The following PLCL1 variants were observed in gnomAD, a reference collection of about 807,000 sequenced individuals.
PLCL1 encodes the protein phospholipase C like 1 (inactive).
A neutral mutation model predicts 84.4 loss-of-function variants in PLCL1; 41 were observed. The ratio of observed to expected loss-of-function variants is 0.49; its 90% CI spans 0.38 to 0.63. The LOEUF (loss-of-function observed/expected upper bound fraction) is 0.63, where lower values mean the gene tolerates loss of function less well. PLCL1 is among the 30% of genes least tolerant of loss of function. The probability of loss-of-function intolerance (pLI) is 0.00; values close to 1 mark genes in which losing one functional copy is unlikely to be tolerated. For missense variants in PLCL1, 1,206 were observed against 1,367.8 expected (o/e 0.88, Z 1.87); for synonymous variants, 490 against 488.3 (o/e 1.00, Z -0.05).
intron 1 of PLCL1, among the ~76,000 whole-genome samples, chr2:198,026,621 A>G (rs1178105551): frequency 6.6e-6 from 1 of 152,216 alleles, no homozygotes; most frequent in Non-Finnish European, 1.5e-5. Context: ...TCTTAAAAAT[A>G]TCCAATTTAT....
chr2:197,841,121 A>G (rs986100748), intron 1 of PLCL1, among the ~76,000 whole-genome samples: 5 of 152,178 alleles, frequency 3.3e-5, no homozygotes, highest in Non-Finnish European at 7.3e-5. Flanking sequence ...AGTTTCCCCT[A>G]TAATTAATGT....
intron 1 of PLCL1, among the ~76,000 whole-genome samples, chr2:197,815,213 T>G (rs1690663592): frequency 6.6e-6 from 1 of 152,192 alleles, no homozygotes; most frequent in Non-Finnish European, 1.5e-5. Flanking sequence ...TAACTTTAAG[T>G]GGAAGCCAAT....
chr2:197,902,235 T>G (rs1211776317), intron 1 of PLCL1, among the ~76,000 whole-genome samples: 1 of 152,180 alleles, frequency 6.6e-6, no homozygotes, highest in Non-Finnish European at 1.5e-5. Flanking sequence ...AAGGGAATTC[T>G]GGGCTTGTTG....
rs1157999886 is a variant in PLCL1 at position 197,974,611 on chromosome 2, T to C, written c.241-109147T>C. On this transcript the variant is annotated intron_variant, in intron 1 of 5. Transcript: ENST00000428675. The stretch of plus-strand genomic sequence containing the variant: ...CACAAAGTTTGTTTCTACAGCCATA[T>C]ATGTGAAGTTCCTCTTCAGGTCTTT... Among the ~76,000 whole-genome samples the C allele has an allele frequency of 2.6e-5, 4 of 152,242 alleles. No individual in the cohort carries two copies. The East Asian group carries it at 7.7e-4, about 29-fold the overall frequency.
At chr2:198,133,080 T>C (rs1694163021) in intron 5 of PLCL1, among the ~76,000 whole-genome samples, 1 of 152,052 alleles carries the variant, frequency 6.6e-6, no homozygotes, top group African/African-American at 2.4e-5. Context: ...ATTTGTTAAA[T>C]AGGGAATCCT....
chr2:197,878,385 G>C (rs1687774781), intron 1 of PLCL1, among the ~76,000 whole-genome samples: 1 of 152,108 alleles, frequency 6.6e-6, no homozygotes, highest in Admixed American at 6.5e-5. Context: ...TGAGCTTACT[G>C]GACTTTGAAT....
intron 1 of PLCL1, among the ~76,000 whole-genome samples, chr2:198,007,624 T>C (rs1324366149): frequency 6.6e-6 from 1 of 152,180 alleles, no homozygotes; most frequent in Non-Finnish European, 1.5e-5. Flanking sequence ...ATTGTATTAG[T>C]AGAATGTTAA....
At chr2:197,953,764 A>G (rs1574966359) in intron 1 of PLCL1, among the ~76,000 whole-genome samples, 1 of 152,058 alleles carries the variant, frequency 6.6e-6, no homozygotes, top group Non-Finnish European at 1.5e-5. Flanking sequence ...ACTGAATTAT[A>G]TCTCAGACAT....
At position 198,112,271 on chromosome 2, in the gene PLCL1, C is replaced by T. The variant is rs549652023; in HGVS notation, c.3105+8335C>T. Among the ~76,000 whole-genome samples, 13 of 151,908 alleles carry T rather than the reference C, an allele frequency of 8.6e-5. No individual in the cohort carries two copies. The East Asian group carries it at 2.4e-3, about 27-fold the overall frequency. ...CCTGAGCGAATGGATACAGTTGAGT[C>T]CTTGGACAGGTACGATTGGGAATCA... On this transcript the variant is annotated intron_variant, in intron 5 of 5. Coordinates refer to ENST00000428675, the MANE Select transcript of PLCL1 (RefSeq NM_006226.4).
intron 5 of PLCL1, among the ~76,000 whole-genome samples, chr2:198,140,649 CAG>C (rs1485769904): frequency 6.6e-6 from 1 of 152,134 alleles, no homozygotes; most frequent in Non-Finnish European, 1.5e-5. Context: ...TGAATTTTAA[CAG>C]AGTATGATTT....
At chr2:197,890,126 A>G (rs1186291235) in intron 1 of PLCL1, among the ~76,000 whole-genome samples, 1 of 152,208 alleles carries the variant, frequency 6.6e-6, no homozygotes, top group Non-Finnish European at 1.5e-5. Context: ...GGAAGGTGAA[A>G]TGAGTTTGGA....
intron 1 of PLCL1, among the ~76,000 whole-genome samples, chr2:198,038,053 CAT>C (rs1356842850): frequency 2.6e-5 from 4 of 152,074 alleles, no homozygotes; most frequent in Non-Finnish European, 4.4e-5. Flanking sequence ...TTAAATAAAA[CAT>C]GTGAGGTATA....
At chr2:198,017,818 G>A (rs1255313984) in intron 1 of PLCL1, among the ~76,000 whole-genome samples, 1 of 152,146 alleles carries the variant, frequency 6.6e-6, no homozygotes, top group Admixed American at 6.5e-5. Context: ...CACTGGTCAG[G>A]CATTCATTCA....
In PLCL1 at chr2:197,873,759, C is replaced by T. The variant is rs182260472; in HGVS notation, c.240+68420C>T. The stretch of plus-strand genomic sequence containing the variant: ...GGCCACCTTCCTCCAATAGGAAAAT[C>T]CTAAAAAAGTCCTGACATTGGTGTC... On this transcript the variant is annotated intron_variant, in intron 1 of 5. Transcript: ENST00000428675. 4.5e-4 allele frequency among the ~76,000 whole-genome samples: 68 copies of T among 152,228 alleles called. 2 individuals are homozygous for T. In the South Asian group the frequency reaches 9.9e-3, roughly 22 times the overall value.
At chr2:197,994,974 C>T (rs918811301) in intron 1 of PLCL1, among the ~76,000 whole-genome samples, 2 of 152,146 alleles carry the variant, frequency 1.3e-5, no homozygotes, top group Non-Finnish European at 2.9e-5. Flanking sequence ...ATTAAGCTGT[C>T]ATTTCTCAAA....
At chr2:198,038,770 A>T (rs1352029010) in intron 1 of PLCL1, among the ~76,000 whole-genome samples, 1 of 151,890 alleles carries the variant, frequency 6.6e-6, no homozygotes, top group Admixed American at 6.6e-5. Context: ...AAAGCAGTTA[A>T]GCAAAGAAAT....
At chr2:197,844,153 G>A (rs1293978717) in intron 1 of PLCL1, among the ~76,000 whole-genome samples, 1 of 151,966 alleles carries the variant, frequency 6.6e-6, no homozygotes, top group African/African-American at 2.4e-5. Context: ...CAGAAAAGTG[G>A]TACAAACCTC....
chr2:198,065,207 T>C (rs1447424876), intron 1 of PLCL1, among the ~76,000 whole-genome samples: 1 of 152,164 alleles, frequency 6.6e-6, no homozygotes, highest in Non-Finnish European at 1.5e-5. Context: ...CCTTTCTGGA[T>C]TGGTTTAGTT....
chr2:197,996,237 G>A (rs1690462898), intron 1 of PLCL1, among the ~76,000 whole-genome samples: 2 of 152,136 alleles, frequency 1.3e-5, no homozygotes, highest in Non-Finnish European at 2.9e-5. Flanking sequence ...GGTAGTGGAA[G>A]TCACAGGGGT....
Sources: allele counts gnomAD v4.1 joint callset (sites outside exome capture counted in the v4.1 genomes callset), GRCh38; gene constraint gnomAD v4.1.1; transcripts MANE v1.5; gene names NCBI Gene and HGNC (gene_info 2026-07-23, HGNC 2026-07-21).